Variants in SGMS1 observed in about 807,000 individuals in gnomAD.
The protein encoded by SGMS1 is sphingomyelin synthase 1, also known as phosphatidylcholine:ceramide cholinephosphotransferase 1.
SGMS1 carries 13 observed loss-of-function variants against 46.2 expected under a neutral mutation model. The observed-to-expected ratio is 0.28, with a 90% confidence interval of 0.18 to 0.45. The LOEUF is 0.45. SGMS1 is among the 20% of genes least tolerant of loss of function. The probability of loss-of-function intolerance (pLI) is 1.00; values close to 1 mark genes in which losing one functional copy is unlikely to be tolerated. For missense variants in SGMS1, 324 were observed against 519.9 expected, an observed-to-expected ratio of 0.62 and a Z score of 3.66; for synonymous variants, 203 against 187.8, an observed-to-expected ratio of 1.08 and a Z score of -0.66.
chr10:50,400,418 T>C (rs1429446243), intron 6 of SGMS1, among the ~76,000 whole-genome samples: 1 of 31,794 alleles, frequency 3.1e-5, no homozygotes, highest in Non-Finnish European at 6.7e-5. Context: ...TATATATATA[T>C]ATATATATAT....
intron 3 of SGMS1, among the ~76,000 whole-genome samples, chr10:50,476,097 CAAAAA>C (rs58641986): frequency 1.2e-4 from 5 of 43,298 alleles, no homozygotes; most frequent in African/African-American, 1.6e-4. Flanking sequence ...ACTAAAAATA[CAAAAA>C]AAAAAAAAAA....
intron 6 of SGMS1, among the ~76,000 whole-genome samples, chr10:50,389,417 G>C (rs1848732685): frequency 6.6e-6 from 1 of 152,096 alleles, no homozygotes; most frequent in South Asian, 2.1e-4. Flanking sequence ...CCTTGTATCT[G>C]GGGGGAGGTC....
intron 6 of SGMS1, among the ~76,000 whole-genome samples, chr10:50,347,274 C>G (rs1391612027): frequency 3.3e-5 from 5 of 152,126 alleles, no homozygotes; most frequent in Non-Finnish European, 4.4e-5. Context: ...TTCCTTTGAC[C>G]TAGTAATGTG....
chr10:50,446,600 A>G (rs1213237319), intron 5 of SGMS1, among the ~76,000 whole-genome samples: 1 of 152,228 alleles, frequency 6.6e-6, no homozygotes, highest in Non-Finnish European at 1.5e-5. Context: ...ACATGCAGTA[A>G]GAGTATGAAT....
chr10:50,499,478 T>A (rs1180225753), intron 3 of SGMS1, among the ~76,000 whole-genome samples: 1 of 152,216 alleles, frequency 6.6e-6, no homozygotes, highest in Non-Finnish European at 1.5e-5. Flanking sequence ...GAAATATACA[T>A]ATCCTTTCCT....
chr10:50,392,582 C>T (rs565337535), intron 6 of SGMS1, among the ~76,000 whole-genome samples: 14 of 152,248 alleles, frequency 9.2e-5, no homozygotes, highest in East Asian at 3.9e-4. Context: ...GCCCAGCAAG[C>T]GCCATGCAAA....
chr10:50,314,611 T>G (rs1019812261), intron 8 of SGMS1, among the ~76,000 whole-genome samples: 2 of 152,202 alleles, frequency 1.3e-5, no homozygotes, highest in African/African-American at 4.8e-5. Flanking sequence ...AAAAGTTCTA[T>G]GTGCAAAAAT....
intron 1 of SGMS1, among the ~76,000 whole-genome samples, chr10:50,612,364 A>G (rs1335335095): frequency 6.6e-6 from 1 of 152,258 alleles, no homozygotes. Flanking sequence ...TGGGAAATGC[A>G]AACAGCTTAT....
chr10:50,348,374 T>C (rs1188617464), intron 6 of SGMS1, among the ~76,000 whole-genome samples: 2 of 152,168 alleles, frequency 1.3e-5, no homozygotes, highest in Non-Finnish European at 1.5e-5. Flanking sequence ...GTAAGTCAAA[T>C]TGTCTCTGTT....
intron 2 of SGMS1, among the ~76,000 whole-genome samples, chr10:50,563,809 A>AGTGACTGG (rs1838264391): frequency 6.6e-6 from 1 of 151,798 alleles, no homozygotes; most frequent in Admixed American, 6.6e-5. Flanking sequence ...TCAGTCCCAT[A>AGTGACTGG]GTGACTGGGG....
intron 9 of SGMS1, among the ~76,000 whole-genome samples, chr10:50,311,061 C>G (rs1847244700): frequency 6.6e-6 from 1 of 152,220 alleles, no homozygotes; most frequent in African/African-American, 2.4e-5. Flanking sequence ...CTCCAGGACA[C>G]CTCGTCCTCA....
chr10:50,466,945 A>G lies in SGMS1; in HGVS notation c.-497-13T>C. The G allele has an allele frequency of 6.6e-6, 1 of 152,338 alleles. No individual in the cohort carries two copies. The highest frequency in any genetic ancestry group is 1.9e-4 in the East Asian group (1 of 5,290). 9.4% of individuals were successfully genotyped at this position (152,338 alleles called of 1,614,324 possible). ...TCTTCTTTCCAATCTAGAAGAAGTA[A>G]TAAGTAAATTAAAGTGCATTCTTTG... On this transcript the variant is annotated splice_polypyrimidine_tract_variant and intron_variant, in intron 3 of 10. Coordinates refer to ENST00000361781, the MANE Select transcript of SGMS1 (RefSeq NM_147156.4).
chr10:50,341,628 G>A (rs1029175359), intron 7 of SGMS1, among the ~76,000 whole-genome samples: 1 of 151,968 alleles, frequency 6.6e-6, no homozygotes, highest in Non-Finnish European at 1.5e-5. Flanking sequence ...TGAGAAAAAC[G>A]AGGCTCCTGA....
chr10:50,419,117 A>C (rs1374712403), intron 6 of SGMS1, among the ~76,000 whole-genome samples: 5 of 152,202 alleles, frequency 3.3e-5, no homozygotes, highest in Non-Finnish European at 4.4e-5. Context: ...TATAGGGTTC[A>C]GGACCATCGA....
At chr10:50,365,278 A>AAAAAAAAAAAAAAAAAAAAAT (rs1848319132) in intron 6 of SGMS1, among the ~76,000 whole-genome samples, 1 of 143,790 alleles carries the variant, frequency 7.0e-6, no homozygotes, top group Non-Finnish European at 1.5e-5. Context: ...AAAAAAAAAA[A>AAAAAAAAAAAAAAAAAAAAAT]GCAACTAATT....
chr10:50,496,251 GT>G (rs1470192675), intron 3 of SGMS1, among the ~76,000 whole-genome samples: 2 of 152,186 alleles, frequency 1.3e-5, no homozygotes, highest in African/African-American at 4.8e-5. Flanking sequence ...GGCTCTAAAT[GT>G]CTTTCTGCCT....
chr10:50,606,533 A>T (rs751915634), intron 1 of SGMS1, among the ~76,000 whole-genome samples: 2 of 152,254 alleles, frequency 1.3e-5, no homozygotes, highest in Non-Finnish European at 2.9e-5. Context: ...ATAGATTTGG[A>T]ATAGTAGAAA....
chr10:50,617,075 TG>T (rs970622214), intron 1 of SGMS1, among the ~76,000 whole-genome samples: 1 of 151,764 alleles, frequency 6.6e-6, no homozygotes, highest in Non-Finnish European at 1.5e-5. Context: ...TAAAAAAAAT[TG>T]GGGGGGCATA....
chr10:50,520,737 T>A (rs548955734), intron 2 of SGMS1, among the ~76,000 whole-genome samples: 116 of 152,316 alleles, frequency 7.6e-4, no homozygotes, highest in African/African-American at 2.6e-3. Context: ...TGGCTTTGCA[T>A]GCTAAGTGAC....
Sources: allele counts gnomAD v4.1 joint callset (sites outside exome capture counted in the v4.1 genomes callset), GRCh38; gene constraint gnomAD v4.1.1; transcripts MANE v1.5; gene names NCBI Gene and HGNC (gene_info 2026-07-23, HGNC 2026-07-21).